The following TGFB2 variants were observed in gnomAD, a reference collection of about 807,000 sequenced individuals.
TGFB2 encodes the protein transforming growth factor beta-2 proprotein.
A neutral mutation model predicts 42.7 loss-of-function variants in TGFB2; 13 were observed. That is an observed-to-expected ratio of 0.30 (90% CI 0.20 to 0.48). The LOEUF is 0.48. Ranked by LOEUF, TGFB2 falls within the 20% of genes least tolerant of loss-of-function variation. The pLI is 0.99. For missense variants in TGFB2, 390 were observed against 517.5 expected (o/e 0.75, Z 2.39); for synonymous variants, 193 against 193.6 (o/e 1.00, Z 0.03).
At chr1:218,373,012 AC>A (rs1046715960) in intron 1 of TGFB2, among the ~76,000 whole-genome samples, 6 of 152,182 alleles carry the variant, frequency 3.9e-5, no homozygotes, top group Admixed American at 2.0e-4. Context: ...CCCCATCTCT[AC>A]TAAAAATACA....
chr1:218,411,449 C>T (rs1156778237), intron 2 of TGFB2, among the ~76,000 whole-genome samples: 1 of 152,100 alleles, frequency 6.6e-6, no homozygotes, highest in African/African-American at 2.4e-5. Context: ...AGGCCGGGCT[C>T]AGCTGGGCTC....
At chr1:218,429,910 A>G (rs1169405471) in intron 2 of TGFB2, among the ~76,000 whole-genome samples, 3 of 152,186 alleles carry the variant, frequency 2.0e-5, no homozygotes, top group Admixed American at 6.5e-5. Flanking sequence ...TATAAAATTG[A>G]TATTTGTTAA....
intron 2 of TGFB2, among the ~76,000 whole-genome samples, chr1:218,428,708 T>C (rs1310461669): frequency 4.6e-5 from 7 of 152,226 alleles, no homozygotes; most frequent in African/African-American, 1.7e-4. Context: ...TCTGTTTTGG[T>C]ACCAGCACCA....
intron 6 of TGFB2, among the ~76,000 whole-genome samples, chr1:218,438,337 T>C (rs1660039572): frequency 6.6e-6 from 1 of 152,210 alleles, no homozygotes; most frequent in African/African-American, 2.4e-5. Flanking sequence ...GAGACTGTTA[T>C]ATTAGAAAGA....
Position 218,375,438 on chromosome 1 carries a change from T to TAAA in TGFB2, c.346+28401_346+28403dup, listed in dbSNP as rs11428925. 5.4e-4 allele frequency among the ~76,000 whole-genome samples: 77 copies of TAAA among 141,366 alleles called. 1 individual carries two copies. Among genetic ancestry groups the TAAA allele is most frequent in the African/African-American group, 2.0e-3 (75 of 38,282 alleles). The allele number at this position is 141,366 out of a possible 152,430, so 92.7% of individuals were successfully genotyped here. A position where few individuals can be genotyped will look rare whatever the true frequency, so the allele number is the denominator to read the frequency against. ...TTTTTTTCCTAAAATGAGAGTTAATTAAAAAAAAAAAACCCAACATTATTT... is the reference window on the plus strand; with the variant it reads ...TTTTTTTCCTAAAATGAGAGTTAATTAAAAAAAAAAAAAAACCCAACATTATTT... On this transcript the variant is annotated intron_variant, in intron 1 of 6. Transcript: ENST00000366930.
At chr1:218,387,942 C>G (rs557643367) in intron 1 of TGFB2, among the ~76,000 whole-genome samples, 29 of 151,926 alleles carry the variant, frequency 1.9e-4, no homozygotes, top group African/African-American at 7.0e-4. Flanking sequence ...TTTTCTATGT[C>G]CCCCCACCCC....
At chr1:218,410,662 G>A (rs1023996105) in intron 2 of TGFB2, among the ~76,000 whole-genome samples, 10 of 152,104 alleles carry the variant, frequency 6.6e-5, no homozygotes, top group Admixed American at 5.2e-4. Flanking sequence ...AGATAGTAAC[G>A]ATCTTTGCCA....
chr1:218,418,686 A>T (rs1659357086), intron 2 of TGFB2, among the ~76,000 whole-genome samples: 1 of 151,950 alleles, frequency 6.6e-6, no homozygotes, highest in Non-Finnish European at 1.5e-5. Flanking sequence ...TGTGGGAGGG[A>T]CCTAGTGGGA....
In TGFB2 at chr1:218,346,796, T is replaced by A; in HGVS notation, c.95T>A (p.Phe32Tyr). Reference protein sequence around the residue: ...STCSTLDMDQFMRKRIEAIRG... With the variant: ...STCSTLDMDQYMRKRIEAIRG... Reference sequence around the variant, plus strand: ...TGCAGCACACTCGATATGGACCAGTTCATGCGCAAGAGGATCGAGGCGATC... The same window carrying A: ...TGCAGCACACTCGATATGGACCAGTACATGCGCAAGAGGATCGAGGCGATC... Residue 32 changes from phenylalanine to tyrosine, a missense_variant, in exon 1 of 7, where the codon TTC becomes TAC. Coordinates refer to ENST00000366930, the MANE Select transcript of TGFB2 (RefSeq NM_003238.6). This position sits in a 1 kb window ranked among gnomAD's most constrained non-coding sequence, Gnocchi z 4.9. 1 of 1,614,148 alleles carries A rather than the reference T, an allele frequency of 6.2e-7. No homozygotes were observed.
chr1:218,404,051 C>CAAAAAAA, intron 1 of TGFB2, among the ~76,000 whole-genome samples: 1 of 99,760 alleles, frequency 1.0e-5, no homozygotes, highest in Non-Finnish European at 2.1e-5. Flanking sequence ...TGGCAGATTA[C>CAAAAAAA]AAAAAAAAAA....
chr1:218,396,133 G>A (rs1558243682), intron 1 of TGFB2, among the ~76,000 whole-genome samples: 1 of 152,168 alleles, frequency 6.6e-6, no homozygotes, highest in Non-Finnish European at 1.5e-5. Flanking sequence ...CTGGTCAAGT[G>A]CATTGTGGTT....
intron 1 of TGFB2, among the ~76,000 whole-genome samples, chr1:218,361,475 T>C (rs1657208093): frequency 1.3e-5 from 2 of 152,170 alleles, no homozygotes; most frequent in South Asian, 4.1e-4. Context: ...GGGATCTGAA[T>C]TCTGTTTAAT....
At chr1:218,360,705 G>C (rs1657181473) in intron 1 of TGFB2, among the ~76,000 whole-genome samples, 1 of 152,172 alleles carries the variant, frequency 6.6e-6, no homozygotes, top group Admixed American at 6.5e-5. Context: ...AAAAAGTTAT[G>C]TTTGTAAGAC....
chr1:218,424,139 G>A (rs765032960), intron 2 of TGFB2, among the ~76,000 whole-genome samples: 9 of 152,190 alleles, frequency 5.9e-5, no homozygotes, highest in Non-Finnish European at 1.2e-4. Flanking sequence ...ATATCACAGA[G>A]TGTTGATTTC....
intron 1 of TGFB2, among the ~76,000 whole-genome samples, chr1:218,360,197 C>T (rs1296390544): frequency 6.6e-6 from 1 of 152,126 alleles, no homozygotes; most frequent in African/African-American, 2.4e-5. Flanking sequence ...ATAAGGCGGC[C>T]AGGTGATCCT....
chr1:218,440,333 T>TA (rs34457023), intron 6 of TGFB2, among the ~76,000 whole-genome samples: 15 of 142,098 alleles, frequency 1.1e-4, no homozygotes, highest in African/African-American at 3.5e-4. Flanking sequence ...GAAGCAATGG[T>TA]AAAAAAACAG....
chr1:218,440,527 G>C (rs1660118495), intron 6 of TGFB2, among the ~76,000 whole-genome samples: 1 of 152,158 alleles, frequency 6.6e-6, no homozygotes, highest in South Asian at 2.1e-4. Flanking sequence ...TGGGATTACA[G>C]GCGTGAGCCA....
rs549363492 is a variant in TGFB2, at chr1:218,441,630, A to G, written c.*268A>G. 7.1e-6 allele frequency: 2 copies of G among 279,950 alleles called. No individual in the cohort carries two copies. Among genetic ancestry groups the G allele is most frequent in the South Asian group, 9.4e-5 (1 of 10,674 alleles). The allele number at this position is 279,950 out of a possible 1,614,324, so 17.3% of individuals were successfully genotyped here. On this transcript the variant is annotated 3_prime_UTR_variant, in exon 7 of 7. Transcript: ENST00000366930. Reference sequence around the variant, plus strand: ...GAGAGACAAGAAGCAAATTTTTTTTAAAGAAAAAAATAAACACTGGAAGAA... The same window carrying G: ...GAGAGACAAGAAGCAAATTTTTTTTGAAGAAAAAAATAAACACTGGAAGAA...
intron 2 of TGFB2, among the ~76,000 whole-genome samples, chr1:218,411,905 G>A (rs1207979013): frequency 1.3e-5 from 2 of 149,378 alleles, no homozygotes; most frequent in African/African-American, 2.5e-5. Flanking sequence ...AAATGACACA[G>A]CATCACTTTT....
Sources: allele counts gnomAD v4.1 joint callset (sites outside exome capture counted in the v4.1 genomes callset), GRCh38; gene constraint gnomAD v4.1.1; non-coding constraint Gnocchi (gnomAD v3.1); transcripts MANE v1.5; gene names NCBI Gene and HGNC (gene_info 2026-07-23, HGNC 2026-07-21).